The following NPIPA9 variants were observed in gnomAD, a reference collection of about 807,000 sequenced individuals.
The protein encoded by NPIPA9 is nuclear pore complex interacting protein family member A9, also known as nuclear pore complex-interacting protein family member A9.
At chr16:18,365,312 A>G (rs1188363630) in intron 4 of NPIPA9, among the ~76,000 whole-genome samples, 2 of 71,108 alleles carry the variant, frequency 2.8e-5, no homozygotes, top group Admixed American at 1.5e-4. Flanking sequence ...CAGGTGCGGT[A>G]GCTCACGCCT....
intron 4 of NPIPA9, among the ~76,000 whole-genome samples, chr16:18,365,577 C>CA (rs1163144991): frequency 2.3e-3 from 1 of 426 alleles, no homozygotes; most frequent in Non-Finnish European, 3.9e-3. Flanking sequence ...GACTCTGTCT[C>CA]AAAAAAAAAA....
intron 3 of NPIPA9, among the ~76,000 whole-genome samples, chr16:18,369,847 T>A (rs1460033198): frequency 2.8e-4 from 36 of 129,044 alleles, no homozygotes; most frequent in African/African-American, 1.1e-3. Flanking sequence ...TTATTATATA[T>A]CACATGGTAA....
intron 3 of NPIPA9, among the ~76,000 whole-genome samples, chr16:18,372,390 T>C (rs1255725638): frequency 5.5e-4 from 1 of 1,830 alleles, no homozygotes; most frequent in Non-Finnish European, 1.3e-3. Flanking sequence ...CACCAAACCT[T>C]CTTCGGTCTG....
At chr16:18,371,451 TAAAA>T (rs778066038) in intron 3 of NPIPA9, among the ~76,000 whole-genome samples, 11 of 56,622 alleles carry the variant, frequency 1.9e-4, no homozygotes, top group African/African-American at 6.6e-4. Flanking sequence ...GACTCTGTCT[TAAAA>T]AAAAAAAAAA....
chr16:18,364,826 G>A (rs1900485866), intron 4 of NPIPA9, among the ~76,000 whole-genome samples, 192 bp from the exon 5 acceptor site: 4 of 47,690 alleles, frequency 8.4e-5, no homozygotes, highest in Non-Finnish European at 1.4e-4. Context: ...CCTGTAATCC[G>A]AGCTACTCGG....
intron 4 of NPIPA9, among the ~76,000 whole-genome samples, chr16:18,365,054 A>C (rs57630182): frequency 0.016 from 1,393 of 89,712 alleles, 2 homozygotes; most frequent in African/African-American, 0.049. Flanking sequence ...GCAGGCGGAT[A>C]ACCTGAGGTC....
chr16:18,365,049 C>T (rs1302281193), intron 4 of NPIPA9, among the ~76,000 whole-genome samples: 228 of 100,978 alleles, frequency 2.3e-3, no homozygotes, highest in Non-Finnish European at 2.7e-3. Context: ...CCGAGGCAGG[C>T]GGATAACCTG....
At position 18,372,103 on chromosome 16, in the gene NPIPA9, G is replaced by C. The variant is rs1187018009; in HGVS notation, c.63+620C>G. 470 of 74,238 alleles carry C rather than the reference G, an allele frequency of 6.3e-3. 37 individuals carry two copies. The highest frequency in any genetic ancestry group is 7.6e-3 in the Non-Finnish European group (312 of 40,904). 4.6% of individuals were successfully genotyped at this position (74,238 alleles called of 1,614,324 possible). A position where few individuals can be genotyped will look rare whatever the true frequency, so the allele number is the denominator to read the frequency against. The stretch of plus-strand genomic sequence containing the variant: ...AGGGGACGGGGACCGGGCCCGATCT[G>C]AGTTGGGGAGGGGGAGGGGAGGGGG... On this transcript the variant is annotated intron_variant, in intron 3 of 9. Transcript: ENST00000427999.
chr16:18,375,219 C>T (rs1405361947), intron 1 of NPIPA9, 150 bp from the exon 2 acceptor site: 7 of 522,230 alleles, frequency 1.3e-5, no homozygotes, highest in East Asian at 1.3e-4. Flanking sequence ...CTGCACCGTC[C>T]GTGATGGCAG....
intron 2 of NPIPA9, among the ~76,000 whole-genome samples, chr16:18,374,130 C>T (rs1285685023): frequency 9.8e-5 from 1 of 10,178 alleles, no homozygotes; most frequent in African/African-American, 3.8e-4. Flanking sequence ...TTATATGCTG[C>T]AGCCATGTTC....
chr16:18,364,825 C>T (rs1439342111), intron 4 of NPIPA9, among the ~76,000 whole-genome samples, 191 bp from the exon 5 acceptor site: 1 of 47,420 alleles, frequency 2.1e-5, no homozygotes, highest in South Asian at 9.9e-4. Flanking sequence ...GCCTGTAATC[C>T]GAGCTACTCG....
In NPIPA9 at chr16:18,369,994, A is replaced by C. The variant is rs1364107807; in HGVS notation, c.64-1608T>G. ...AAATAAGTATCGAATTTTAGTTCTT[A>C]AAAAGTAACAAGGTGGGCTGGGCGT... On this transcript the variant is annotated intron_variant, in intron 3 of 9. Coordinates refer to ENST00000427999, the Ensembl canonical transcript of NPIPA9. 6.9e-5 allele frequency among the ~76,000 whole-genome samples: 10 copies of C among 144,306 alleles called. No homozygotes were observed. The East Asian group carries it at 1.4e-3, about 20-fold the overall frequency. 94.7% of individuals were successfully genotyped at this position (144,306 alleles called of 152,430 possible).
intron 5 of NPIPA9, 55 bp from the exon 6 acceptor site, chr16:18,364,426 G>C (rs1900480850): frequency 2.9e-4 from 6 of 20,678 alleles, no homozygotes; most frequent in South Asian, 1.3e-3. Flanking sequence ...CTCAGCCCTT[G>C]GTGAGAGTGA....
At chr16:18,371,433 C>A (rs1596823224) in intron 3 of NPIPA9, 1 of 153,392 alleles carries the variant, frequency 6.5e-6, no homozygotes, top group Non-Finnish European at 1.1e-5. Flanking sequence ...GCCTGGGCGA[C>A]AGAATGAGAC....
At chr16:18,370,153 G>T (rs1190090912) in intron 3 of NPIPA9, among the ~76,000 whole-genome samples, 2 of 125,146 alleles carry the variant, frequency 1.6e-5, no homozygotes, top group East Asian at 5.0e-4. Context: ...AGCAGGGCAT[G>T]GTGGCACGCG....
chr16:18,371,483 C>T (rs1287113155), intron 3 of NPIPA9, among the ~76,000 whole-genome samples: 10 of 115,938 alleles, frequency 8.6e-5, no homozygotes, highest in African/African-American at 3.0e-4. Context: ...AAAAAGTCAT[C>T]AAACCAGATG....
chr16:18,370,021 G>A (rs1269323304), intron 3 of NPIPA9, among the ~76,000 whole-genome samples: 2 of 141,162 alleles, frequency 1.4e-5, no homozygotes, highest in East Asian at 2.1e-4. Context: ...GCTGGGCGTG[G>A]TGGCTCACGC....
intron 3 of NPIPA9, among the ~76,000 whole-genome samples, chr16:18,370,367 G>A (rs1900526534): frequency 8.7e-6 from 1 of 115,198 alleles, no homozygotes; most frequent in Admixed American, 9.5e-5. Flanking sequence ...CTCTAAGATT[G>A]TTGATATTAA....
chr16:18,363,900 C>T (rs1353310265), intron 6 of NPIPA9, among the ~76,000 whole-genome samples: 8 of 1,328 alleles, frequency 6.0e-3, no homozygotes, highest in African/African-American at 0.026. Flanking sequence ...ACCCAAAAGG[C>T]AGTGAGCTGA....
Sources: allele counts gnomAD v4.1 joint callset (sites outside exome capture counted in the v4.1 genomes callset), GRCh38; gene constraint gnomAD v4.1.1; transcripts MANE v1.5; gene names NCBI Gene and HGNC (gene_info 2026-07-23, HGNC 2026-07-21).